OSTN: variants seen among roughly 807,000 people sequenced by gnomAD.
OSTN encodes the protein osteocrin.
Under a neutral mutation model 12.0 loss-of-function variants are expected in OSTN, and 9 were observed. The ratio of observed to expected loss-of-function variants is 0.75; its 90% CI spans 0.45 to 1.30. OSTN has a LOEUF of 1.30. Among genes scored for constraint, OSTN ranks in the 50% most tolerant of loss-of-function variants. The pLI, the probability that OSTN is intolerant of heterozygous loss-of-function variation, is 0.00. For synonymous variants in OSTN, 59 were observed against 56.9 expected (o/e 1.04, Z -0.16); for missense variants, 148 against 152.3 (o/e 0.97, Z 0.15).
chr3:191,238,278 G>C (rs758280278), intron 3 of OSTN, among the ~76,000 whole-genome samples: 5 of 152,128 alleles, frequency 3.3e-5, no homozygotes, highest in Non-Finnish European at 1.5e-5. Context: ...AGTCACAGGA[G>C]CACCTGTGAC....
At chr3:191,262,017 G>T (rs535704734) in intron 4 of OSTN, among the ~76,000 whole-genome samples, 18 of 152,294 alleles carry the variant, frequency 1.2e-4, no homozygotes, top group African/African-American at 4.3e-4. Context: ...AGGAGTTTGA[G>T]ACCCGCCCGG....
At chr3:191,235,044 TATTATA>T (rs1715155005) in intron 3 of OSTN, among the ~76,000 whole-genome samples, 1 of 152,178 alleles carries the variant, frequency 6.6e-6, no homozygotes, top group African/African-American at 2.4e-5. Context: ...AGAATATTGT[TATTATA>T]CCACCTAATT....
intron 1 of OSTN, among the ~76,000 whole-genome samples, chr3:191,209,723 C>G (rs1176642548): frequency 6.6e-6 from 1 of 151,624 alleles, no homozygotes; most frequent in Non-Finnish European, 1.5e-5. Flanking sequence ...GTTCACATAC[C>G]AGCATGTAAC....
chr3:191,206,689 T>G (rs145188173), intron 1 of OSTN, among the ~76,000 whole-genome samples: 177 of 152,300 alleles, frequency 1.2e-3, no homozygotes, highest in African/African-American at 3.9e-3. Context: ...GAGGAAAGTG[T>G]TTGCCCAACA....
At chr3:191,201,859 A>G (rs1380093921) in intron 1 of OSTN, among the ~76,000 whole-genome samples, 1 of 152,240 alleles carries the variant, frequency 6.6e-6, no homozygotes, top group Non-Finnish European at 1.5e-5. Flanking sequence ...TTTCAAAGGC[A>G]ATATCAGGAT....
At chr3:191,216,477 A>G (rs923143409) in intron 2 of OSTN, among the ~76,000 whole-genome samples, 1 of 152,228 alleles carries the variant, frequency 6.6e-6, no homozygotes, top group East Asian at 1.9e-4. Flanking sequence ...TTGCATCATC[A>G]GGCTGCAAAT....
At chr3:191,237,078 C>T (rs1184387986) in intron 3 of OSTN, among the ~76,000 whole-genome samples, 1 of 152,034 alleles carries the variant, frequency 6.6e-6, no homozygotes, top group Non-Finnish European at 1.5e-5. Flanking sequence ...GGAAAAATGG[C>T]AGGGAGGGCA....
At chr3:191,262,612 T>C (rs941709100) in intron 4 of OSTN, among the ~76,000 whole-genome samples, 7 of 152,228 alleles carry the variant, frequency 4.6e-5, no homozygotes, top group African/African-American at 1.7e-4. Flanking sequence ...TGAAAAAGAC[T>C]TTTTATAATT....
chr3:191,237,026 C>G (rs529855486), intron 3 of OSTN, among the ~76,000 whole-genome samples: 3 of 152,196 alleles, frequency 2.0e-5, no homozygotes, highest in African/African-American at 7.2e-5. Flanking sequence ...AATTTCTTTG[C>G]AGAAAGTAGC....
chr3:191,223,991 C>T (rs984009393), intron 3 of OSTN, among the ~76,000 whole-genome samples: 1 of 151,508 alleles, frequency 6.6e-6, no homozygotes, highest in East Asian at 1.9e-4. Context: ...AATGAACAAA[C>T]GATACCAGAA....
chr3:191,232,390 T>C (rs1715081470), intron 3 of OSTN, among the ~76,000 whole-genome samples: 1 of 147,084 alleles, frequency 6.8e-6, no homozygotes, highest in African/African-American at 2.6e-5. Flanking sequence ...AACATAACCA[T>C]TTCAAAGCAT....
chr3:191,243,942 G>A (rs1290579780), intron 3 of OSTN, among the ~76,000 whole-genome samples: 1 of 151,988 alleles, frequency 6.6e-6, no homozygotes, highest in Non-Finnish European at 1.5e-5. Context: ...GGAAATCAAG[G>A]GAATTATTAG....
chr3:191,221,827 A>G (rs1182417670), intron 3 of OSTN, among the ~76,000 whole-genome samples: 1 of 152,254 alleles, frequency 6.6e-6, no homozygotes, highest in Non-Finnish European at 1.5e-5. Context: ...TCTCCAGGGC[A>G]TGTCAGAAGT....
chr3:191,227,752 G>T (rs1242988273), intron 3 of OSTN, among the ~76,000 whole-genome samples: 3 of 152,062 alleles, frequency 2.0e-5, no homozygotes, highest in Non-Finnish European at 4.4e-5. Flanking sequence ...GGGCATTAGG[G>T]TTGCTAATTT....
intron 2 of OSTN, 62 bp from the exon 3 acceptor site, chr3:191,218,685 A>G: frequency 4.4e-6 from 6 of 1,362,066 alleles, no homozygotes; most frequent in Non-Finnish European, 6.2e-6. Context: ...AGCCAGATGC[A>G]TATGTACATA....
chr3:191,254,310 G>C (rs1368169092), intron 4 of OSTN, among the ~76,000 whole-genome samples: 1 of 152,246 alleles, frequency 6.6e-6, no homozygotes, highest in African/African-American at 2.4e-5. Context: ...CAATATGCCA[G>C]ATTATTCTGA....
chr3:191,238,329 T>C (rs185031033), intron 3 of OSTN, among the ~76,000 whole-genome samples: 2 of 152,126 alleles, frequency 1.3e-5, no homozygotes, highest in Admixed American at 6.5e-5. Context: ...GGAAAGAGCA[T>C]GCAGGAGGGG....
intron 3 of OSTN, among the ~76,000 whole-genome samples, chr3:191,237,217 G>T (rs1478930495): frequency 6.6e-6 from 1 of 152,162 alleles, no homozygotes; most frequent in Admixed American, 6.5e-5. Context: ...TTTCTACAAA[G>T]AAATTAAAGT....
chr3:191,257,235 C>T (rs1166006963), intron 4 of OSTN, among the ~76,000 whole-genome samples: 1 of 149,352 alleles, frequency 6.7e-6, no homozygotes, highest in Admixed American at 6.7e-5. Context: ...AATTTACATG[C>T]CTTTTTATAA....
Sources: gnomAD v4.1 joint callset for allele counts (sites outside exome capture counted in the v4.1 genomes callset) on GRCh38, gnomAD v4.1.1 for gene constraint, MANE v1.5 for transcripts, NCBI Gene and HGNC (gene_info 2026-07-23, HGNC 2026-07-21) for gene names.